Variants in PMEL observed in about 807,000 individuals in gnomAD.
The protein encoded by PMEL is melanocyte protein PMEL.
PMEL carries 53 observed loss-of-function variants against 64.9 expected under a neutral mutation model. That is an observed-to-expected ratio of 0.82 (90% CI 0.66 to 1.03). The LOEUF is 1.03. Ranked by LOEUF, PMEL falls within the 50% of genes least tolerant of loss-of-function variation. PMEL has a pLI of 0.00. For missense variants in PMEL, 716 were observed against 814.9 expected, an observed-to-expected ratio of 0.88 and a Z score of 1.48; for synonymous variants, 299 against 316.2, an observed-to-expected ratio of 0.95 and a Z score of 0.58.
At chr12:55,961,807 C>T (rs1889112544) in intron 1 of PMEL, 75 bp from the exon 2 acceptor site, 2 of 874,826 alleles carry the variant, frequency 2.3e-6, no homozygotes, top group Non-Finnish European at 3.8e-6. Context: ...ATTCATGTCA[C>T]TCCATTCATT....
chr12:55,955,455 A>C lies in PMEL; in HGVS notation c.1762+9T>G, dbSNP rs1202201448. ...CCTTCCTCATCTTAGCTCTTGTCCA[A>C]GGACCTACCAGGCATGATAAGCTGG... On this transcript the variant is annotated intron_variant, in intron 9 of 10. Coordinates refer to ENST00000548747, the MANE Select transcript of PMEL (RefSeq NM_001384361.1). 6.2e-7 allele frequency: 1 copy of C among 1,613,814 alleles called. No individual in the cohort carries two copies. Among genetic ancestry groups the C allele is most frequent in the Non-Finnish European group, 8.5e-7 (1 of 1,179,872 alleles).
chr12:55,954,489 G>T (rs546188703), intron 10 of PMEL, 140 bp from the exon 11 acceptor site: 3 of 806,710 alleles, frequency 3.7e-6, no homozygotes, highest in Non-Finnish European at 6.0e-6. Context: ...CACCTCCAGG[G>T]TTTACCCTCT....
Position 55,954,167 on chromosome 12 carries a change from G to C in PMEL, c.*47C>G, listed in dbSNP as rs1888719223. On this transcript the variant is annotated 3_prime_UTR_variant, in exon 11 of 11. Coordinates refer to ENST00000548747, the MANE Select transcript of PMEL (RefSeq NM_001384361.1). ...CCCAGGGAAGACTGGGGGAAATATA[G>C]GTGTTTCTGTCAACTCCAGGAAAAT... 4 of 1,551,688 alleles carry C rather than the reference G, an allele frequency of 2.6e-6. No individual in the cohort carries two copies. Among genetic ancestry groups the C allele is most frequent in the African/African-American group, 1.4e-5 (1 of 72,534 alleles).
At chr12:55,960,537 GTTTTTTTTTTTTT>G (rs760692409) in intron 3 of PMEL, among the ~76,000 whole-genome samples, 3 of 97,302 alleles carry the variant, frequency 3.1e-5, no homozygotes, top group South Asian at 3.7e-4. Flanking sequence ...TTTGCTTTCT[GTTTTTTTTTTTTT>G]TTTTTTTTTT....
At chr12:55,963,492 A>C (rs1889180688) in intron 1 of PMEL, among the ~76,000 whole-genome samples, 1 of 152,238 alleles carries the variant, frequency 6.6e-6, no homozygotes, top group African/African-American at 2.4e-5. Context: ...AAAATGTATG[A>C]GTATTTTCTT....
Position 55,955,676 on chromosome 12 carries a change from G to T in PMEL, c.1557-7C>A. The T allele has an allele frequency of 1.2e-6, 2 of 1,612,430 alleles. No individual in the cohort carries two copies. The highest frequency in any genetic ancestry group is 1.7e-6 in the Non-Finnish European group (2 of 1,178,886). ...GCAGGCTTCCTTGGGCAGCCTGGAA[G>T]AAGTGTCAGCATATATAAGGGGATC... On this transcript the variant is annotated splice_polypyrimidine_tract_variant and splice_region_variant and intron_variant, in intron 8 of 10. Coordinates refer to ENST00000548747, the MANE Select transcript of PMEL (RefSeq NM_001384361.1).
rs377391935 is a variant in PMEL, at chr12:55,958,594, C to T, written c.348G>A (p.Trp116Ter). ...CCTGGGGATACACTGGCTGTCCTCC[C>T]CACACCTGGCTCCCTGAAAGATAAA... ...NNTIINGSQV[W>*]GGQPVYPQET... The change falls in exon 4 of 11, where the codon TGG becomes TGA. Residue 116 changes from tryptophan to a stop codon, truncating the protein, a stop_gained. Transcript: ENST00000548747. LOFTEE classifies it high-confidence loss of function. 156 of 1,613,784 alleles carry T rather than the reference C, an allele frequency of 9.7e-5. No individual in the cohort carries two copies. The highest frequency in any genetic ancestry group is 1.6e-4 in the Middle Eastern group (1 of 6,080).
Position 55,958,564 on chromosome 12 carries a change from A to C in PMEL, c.378T>G (p.Thr126=). The C allele has an allele frequency of 6.2e-7, 1 of 1,614,122 alleles. No homozygotes were observed. Among genetic ancestry groups the C allele is most frequent in the East Asian group, 2.2e-5 (1 of 44,876 alleles). Residue 126 remains threonine, a synonymous_variant, in exon 4 of 11, where the codon ACT becomes ACG. Transcript: ENST00000548747. Reference sequence around the variant, plus strand: ...CATCAGGGAAGATGCAGGCATCGTCAGTTTCCTGGGGATACACTGGCTGTC... The same window carrying C: ...CATCAGGGAAGATGCAGGCATCGTCCGTTTCCTGGGGATACACTGGCTGTC... The part of the protein sequence containing the change: ...WGGQPVYPQE[T]DDACIFPDGG...
At chr12:55,965,268 G>T (rs1363958944) in intron 1 of PMEL, among the ~76,000 whole-genome samples, 1 of 152,090 alleles carries the variant, frequency 6.6e-6, no homozygotes, top group African/African-American at 2.4e-5. Flanking sequence ...AGTTGATTCT[G>T]CTGGGGGAGG....
In PMEL at chr12:55,954,302, C is replaced by T. The variant is rs1565771510; in HGVS notation, c.1898G>A (p.Ser633Asn). 1 of 1,614,050 alleles carries T rather than the reference C, an allele frequency of 6.2e-7. No individual in the cohort carries two copies. The highest frequency in any genetic ancestry group is 1.1e-5 in the South Asian group (1 of 91,074). Residue 633 changes from serine to asparagine, a missense_variant, in exon 11 of 11, where the codon AGC (serine) becomes AAC (asparagine). Coordinates refer to ENST00000548747, the MANE Select transcript of PMEL (RefSeq NM_001384361.1). Reference sequence around the variant, plus strand: ...GGGTAGACGCAGCCAGTGACTGCTGCTATGTGGCAACTGGGGTACGGAGAA... The same window carrying T: ...GGGTAGACGCAGCCAGTGACTGCTGTTATGTGGCAACTGGGGTACGGAGAA... The part of the protein sequence containing the change: ...QDFSVPQLPH[S>N]SSHWLRLPRI...
rs1888993164 is a variant in PMEL at position 55,958,716 on chromosome 12, T to C, written c.335-109A>G. ...AGAGAGGGGCTCTGGGAATATTCCC[T>C]AGCTAGAAAGTACATTCTCCATGAT... On this transcript the variant is annotated intron_variant, in intron 3 of 10. Coordinates refer to ENST00000548747, the MANE Select transcript of PMEL (RefSeq NM_001384361.1). 3.7e-6 allele frequency: 4 copies of C among 1,092,348 alleles called. No homozygotes were observed. In the South Asian group the frequency reaches 4.6e-5, roughly 13 times the overall value. The allele number at this position is 1,092,348 out of a possible 1,614,324, so 67.7% of individuals were successfully genotyped here.
intron 10 of PMEL, 35 bp from the exon 11 acceptor site, chr12:55,954,384 T>C (rs771766884): frequency 2.5e-6 from 4 of 1,612,442 alleles, no homozygotes; most frequent in African/African-American, 2.7e-5. Flanking sequence ...TGGTTAGCAA[T>C]GGACAAAGGT....
intron 1 of PMEL, among the ~76,000 whole-genome samples, chr12:55,962,976 G>A (rs1889163066): frequency 6.6e-6 from 1 of 151,738 alleles, no homozygotes; most frequent in Non-Finnish European, 1.5e-5. Context: ...GCCTGGCCAA[G>A]TGAAACCCTG....
At chr12:55,958,780 G>C in intron 3 of PMEL, 173 bp from the exon 4 acceptor site, 1 of 648,906 alleles carries the variant, frequency 1.5e-6, no homozygotes, top group Non-Finnish European at 2.6e-6. Flanking sequence ...TGAGGGTGTG[G>C]AAACTACATT....
In PMEL at chr12:55,957,987, G is replaced by A; in HGVS notation, c.567C>T (p.Tyr189=). The change falls in exon 5 of 11, where the codon TAC becomes TAT. Residue 189 remains tyrosine, a synonymous_variant. Coordinates refer to ENST00000548747, the MANE Select transcript of PMEL (RefSeq NM_001384361.1). ...CATAGCTCCGGGATCCCCGGCGATG[G>A]TAGACAGTCACTTCCATGGTGTGTG... ...LGTHTMEVTV[Y]HRRGSRSYVP... is the part of the protein sequence containing the mutation. 1 of 1,614,220 alleles carries A rather than the reference G, an allele frequency of 6.2e-7. No homozygotes were observed. The highest frequency in any genetic ancestry group is 8.5e-7 in the Non-Finnish European group (1 of 1,180,040).
rs1394119165 is a variant in PMEL at position 55,956,100 on chromosome 12, C to G, written c.1471+3G>C. On this transcript the variant is annotated splice_donor_region_variant and intron_variant, in intron 7 of 10. Transcript: ENST00000548747. The stretch of plus-strand genomic sequence containing the variant: ...ATCAGCCACCAAAGTAGGCAAGACT[C>G]ACGGACAATGTCCAGGGTGACGGAA... 12 of 1,602,332 alleles carry G rather than the reference C, an allele frequency of 7.5e-6. No individual in the cohort carries two copies. Among genetic ancestry groups the G allele is most frequent in the Non-Finnish European group, 1.0e-5 (12 of 1,169,296 alleles).
chr12:55,961,321 G>C lies in PMEL; in HGVS notation c.330C>G (p.Ile110Met). 1 of 1,613,604 alleles carries C rather than the reference G, an allele frequency of 6.2e-7. No individual in the cohort carries two copies. The highest frequency in any genetic ancestry group is 8.5e-7 in the Non-Finnish European group (1 of 1,179,540). ...CTAGAATAGAGAAGTACTCACCATT[G>C]ATGATGGTATTGTTGACCCAGATAA... ...GQVIWVNNTI[I>M]NGSQVWGGQP... The change falls in exon 3 of 11, where the codon ATC becomes ATG. Residue 110 changes from isoleucine to methionine, a missense_variant. Transcript: ENST00000548747.
At chr12:55,965,742 T>C (rs1889274387) in intron 1 of PMEL, among the ~76,000 whole-genome samples, 194 bp downstream of exon 1, 1 of 152,056 alleles carries the variant, frequency 6.6e-6, no homozygotes, top group Non-Finnish European at 1.5e-5. Context: ...CCTCCAAGCA[T>C]ATGAGATTAT....
chr12:55,966,059 G>A (rs370098660), upstream of PMEL: 21 of 1,613,862 alleles, frequency 1.3e-5, no homozygotes, highest in African/African-American at 2.7e-4. Flanking sequence ...ACTGGGATAG[G>A]CCCCTATATA....
Sources: allele counts gnomAD v4.1 joint callset (sites outside exome capture counted in the v4.1 genomes callset), GRCh38; gene constraint gnomAD v4.1.1; transcripts MANE v1.5; gene names NCBI Gene and HGNC (gene_info 2026-07-23, HGNC 2026-07-21).